The following VMP1 variants were observed in gnomAD, a reference collection of about 807,000 sequenced individuals.
VMP1 encodes the protein vacuole membrane protein 1.
In VMP1, 11 loss-of-function variants were observed where a neutral mutation model predicts 56.0. The observed-to-expected ratio is 0.20, with a 90% CI of 0.12 to 0.32. The LOEUF is 0.32. VMP1 is among the 10% of genes least tolerant of loss of function. The pLI, the probability that VMP1 is intolerant of heterozygous loss-of-function variation, is 1.00. For synonymous variants in VMP1, 149 were observed against 165.0 expected, an observed-to-expected ratio of 0.90 and a Z score of 0.74; for missense variants, 296 against 490.3, an observed-to-expected ratio of 0.60 and a Z score of 3.74.
intron 1 of VMP1, among the ~76,000 whole-genome samples, chr17:59,725,089 A>G (rs574432339): frequency 4.7e-4 from 71 of 150,692 alleles, no homozygotes; most frequent in Non-Finnish European, 7.8e-4. Flanking sequence ...CCTGGGAAGC[A>G]GAGGTTGCAG....
Position 59,839,945 on chromosome 17 carries a change from G to A in VMP1, c.*34G>A. 1.9e-6 allele frequency: 3 copies of A among 1,605,030 alleles called. No homozygotes were observed. The highest frequency in any genetic ancestry group is 1.1e-5 in the South Asian group (1 of 89,084). Reference sequence around the variant, plus strand: ...AGTTTTAAACTGCAGAAATTGGAGTGGATGGGTTCTGCCTTAAATTGGGAG... The same window carrying A: ...AGTTTTAAACTGCAGAAATTGGAGTAGATGGGTTCTGCCTTAAATTGGGAG... On this transcript the variant is annotated 3_prime_UTR_variant, in exon 12 of 12. Coordinates refer to ENST00000262291, the MANE Select transcript of VMP1 (RefSeq NM_030938.5).
chr17:59,771,528 C>A (rs1403843144), intron 6 of VMP1, among the ~76,000 whole-genome samples: 1 of 151,270 alleles, frequency 6.6e-6, no homozygotes, highest in East Asian at 1.9e-4. Context: ...CTTTATTATA[C>A]CAGTTTTTAA....
intron 8 of VMP1, among the ~76,000 whole-genome samples, chr17:59,809,382 T>A (rs1280259094): frequency 7.6e-6 from 1 of 130,756 alleles, no homozygotes; most frequent in African/African-American, 2.8e-5. Flanking sequence ...AATGGCACAA[T>A]CTCGGCTCAC....
chr17:59,838,509 TC>T (rs2039057392), intron 11 of VMP1, 112 bp downstream of exon 11: 3 of 1,083,148 alleles, frequency 2.8e-6, no homozygotes, highest in Non-Finnish European at 4.1e-6. Flanking sequence ...TTGCCAGTGT[TC>T]CTTGACAGAA....
chr17:59,815,943 A>T (rs2144248957), intron 9 of VMP1, among the ~76,000 whole-genome samples: 1 of 150,754 alleles, frequency 6.6e-6, no homozygotes, highest in African/African-American at 2.4e-5. Flanking sequence ...TAGCACAATT[A>T]GTTTCTCCCT....
chr17:59,833,764 A>G (rs1022172446), intron 10 of VMP1, among the ~76,000 whole-genome samples: 2 of 152,204 alleles, frequency 1.3e-5, no homozygotes, highest in African/African-American at 4.8e-5. Flanking sequence ...TGGACTTACA[A>G]TGGTAAATTA....
At chr17:59,718,273 T>G (rs1293943951) in intron 1 of VMP1, among the ~76,000 whole-genome samples, 1 of 135,616 alleles carries the variant, frequency 7.4e-6, no homozygotes, top group Non-Finnish European at 1.5e-5. Context: ...CTCAGCTCAC[T>G]GCAACCTCTG....
intron 7 of VMP1, among the ~76,000 whole-genome samples, chr17:59,796,286 T>C (rs2037435345): frequency 1.3e-5 from 2 of 152,186 alleles, no homozygotes; most frequent in Non-Finnish European, 2.9e-5. Context: ...CTGTCCTATT[T>C]AGTTTTCATC....
chr17:59,757,124 T>C (rs2035868894), intron 5 of VMP1, among the ~76,000 whole-genome samples: 1 of 152,142 alleles, frequency 6.6e-6, no homozygotes, highest in Non-Finnish European at 1.5e-5. Context: ...ACCCCTTTCT[T>C]ACTATGACCC....
chr17:59,751,107 T>C (rs1381674404), intron 5 of VMP1, among the ~76,000 whole-genome samples: 1 of 151,986 alleles, frequency 6.6e-6, no homozygotes, highest in Non-Finnish European at 1.5e-5. Context: ...TAATTTTTTG[T>C]ATTTTCAGTA....
intron 8 of VMP1, among the ~76,000 whole-genome samples, chr17:59,809,726 TCGATCTCCTGACCTCGTGATC>T (rs1256169664): frequency 6.6e-6 from 1 of 150,758 alleles, no homozygotes; most frequent in Non-Finnish European, 1.5e-5. Flanking sequence ...CGGGATGGTC[TCGATCTCCTGACCTCGTGATC>T]CGCCCGCCTC....
intron 11 of VMP1, 99 bp downstream of exon 11, chr17:59,838,496 G>T (rs998067706): frequency 7.2e-6 from 9 of 1,247,352 alleles, no homozygotes; most frequent in Non-Finnish European, 1.0e-5. Flanking sequence ...AAGTGAAGTT[G>T]GTTTGCCAGT....
intron 5 of VMP1, among the ~76,000 whole-genome samples, chr17:59,752,742 T>C (rs1329129481): frequency 6.6e-6 from 1 of 152,148 alleles, no homozygotes; most frequent in Non-Finnish European, 1.5e-5. Context: ...GGATTAAGTT[T>C]AGATGTCATG....
intron 10 of VMP1, among the ~76,000 whole-genome samples, chr17:59,833,192 A>G (rs550740452): frequency 6.6e-6 from 1 of 152,036 alleles, no homozygotes; most frequent in South Asian, 2.1e-4. Flanking sequence ...AACTTGACAC[A>G]TGAGATTTAG....
intron 9 of VMP1, among the ~76,000 whole-genome samples, chr17:59,812,017 T>C (rs1282817854): frequency 6.6e-6 from 1 of 152,100 alleles, no homozygotes; most frequent in Non-Finnish European, 1.5e-5. Flanking sequence ...TTCCTTTCTC[T>C]CTTTCTTTCT....
At chr17:59,819,448 T>C (rs1419371580) in intron 10 of VMP1, among the ~76,000 whole-genome samples, 1 of 151,944 alleles carries the variant, frequency 6.6e-6, no homozygotes, top group Non-Finnish European at 1.5e-5. Context: ...TGGCTTCCCT[T>C]ATGTTTTTGG....
intron 5 of VMP1, among the ~76,000 whole-genome samples, chr17:59,741,942 T>A (rs1259066754): frequency 1.3e-5 from 2 of 152,216 alleles, no homozygotes; most frequent in Non-Finnish European, 1.5e-5. Flanking sequence ...CTTGCAACAT[T>A]TTTCTGTGTA....
intron 1 of VMP1, among the ~76,000 whole-genome samples, chr17:59,714,046 GA>G (rs771155795): frequency 0.13 from 8,234 of 61,786 alleles, 430 homozygotes; most frequent in African/African-American, 0.29. Context: ...GTCTTAAAAG[GA>G]AAAAAAAAAA....
intron 10 of VMP1, among the ~76,000 whole-genome samples, chr17:59,831,689 A>G (rs1174179236): frequency 1.4e-5 from 2 of 144,708 alleles, no homozygotes. Context: ...GATTCTAGGT[A>G]TGTAAGCATG....
Sources: allele counts gnomAD v4.1 joint callset (sites outside exome capture counted in the v4.1 genomes callset), GRCh38; gene constraint gnomAD v4.1.1; transcripts MANE v1.5; gene names NCBI Gene and HGNC (gene_info 2026-07-23, HGNC 2026-07-21).